Variants in IKZF2 observed in about 807,000 individuals in gnomAD.
The protein encoded by IKZF2 is IKAROS family zinc finger 2.
A neutral mutation model predicts 49.2 loss-of-function variants in IKZF2; 15 were observed. The observed-to-expected ratio is 0.30, with a 90% confidence interval of 0.20 to 0.47. The LOEUF is 0.47. Ranked by LOEUF, IKZF2 falls within the 20% of genes least tolerant of loss-of-function variation. The probability of loss-of-function intolerance (pLI) is 1.00; values close to 1 mark genes in which losing one functional copy is unlikely to be tolerated. For missense variants in IKZF2, 567 were observed against 664.6 expected (o/e 0.85, Z 1.61); for synonymous variants, 227 against 221.4 (o/e 1.03, Z -0.23).
rs1426342875 is a variant in IKZF2 at position 213,065,378 on chromosome 2, G to T, written c.140-8279C>A. Among the ~76,000 whole-genome samples the T allele has an allele frequency of 2.0e-5, 3 of 151,972 alleles. No individual in the cohort carries two copies. The East Asian group carries it at 5.8e-4, about 29-fold the overall frequency. ...GGAAATACTGCCTTTATTCATAGTT[G>T]TAAAATCATTCTATCCTTACACATA... On this transcript the variant is annotated intron_variant, in intron 4 of 8. Transcript: ENST00000434687.
rs141129820 is a variant in IKZF2, at chr2:213,041,971, C to T, written c.574+7742G>A. Among the ~76,000 whole-genome samples, 767 of 152,228 alleles carry T rather than the reference C, an allele frequency of 5.0e-3. 7 individuals are homozygous for T. Among genetic ancestry groups the T allele is most frequent in the Non-Finnish European group, 6.8e-3 (463 of 68,006 alleles). On this transcript the variant is annotated intron_variant, in intron 6 of 8. Transcript: ENST00000434687. The stretch of plus-strand genomic sequence containing the variant: ...AGGTGTGGTAGTAGTGACTGATTAG[C>T]AAAATCCAGGGAGAAAAGATAACAC...
At chr2:213,016,207 G>T (rs1696573297) in intron 7 of IKZF2, among the ~76,000 whole-genome samples, 2 of 152,028 alleles carry the variant, frequency 1.3e-5, no homozygotes, top group African/African-American at 4.8e-5. Flanking sequence ...AATTCATCCA[G>T]AAACTCCATG....
chr2:213,037,591 G>T (rs986454596), intron 6 of IKZF2, among the ~76,000 whole-genome samples: 1 of 152,172 alleles, frequency 6.6e-6, no homozygotes, highest in Non-Finnish European at 1.5e-5. Flanking sequence ...GACCTCAAGT[G>T]TGTGTTTTAA....
At chr2:213,147,644 A>T (rs1204181417) in intron 4 of IKZF2, 64 bp downstream of exon 4, 1 of 1,221,558 alleles carries the variant, frequency 8.2e-7, no homozygotes, top group East Asian at 2.3e-5. Flanking sequence ...CAGACCTAAC[A>T]AATTAAAGTC....
intron 4 of IKZF2, among the ~76,000 whole-genome samples, chr2:213,099,117 G>A (rs986937348): frequency 1.3e-5 from 2 of 152,140 alleles, no homozygotes; most frequent in African/African-American, 4.8e-5. Context: ...CAGAAGGGAA[G>A]CATCTAGTAA....
intron 6 of IKZF2, among the ~76,000 whole-genome samples, chr2:213,022,356 T>A (rs896829442): frequency 6.6e-6 from 1 of 152,174 alleles, no homozygotes; most frequent in Non-Finnish European, 1.5e-5. Context: ...AAATACTGAA[T>A]CAAATTCTTG....
chr2:213,010,755 T>A (rs1695858845), intron 8 of IKZF2, among the ~76,000 whole-genome samples: 1 of 152,106 alleles, frequency 6.6e-6, no homozygotes, highest in Non-Finnish European at 1.5e-5. Context: ...AGTGGGTGGT[T>A]CTGCTCGTGC....
chr2:213,071,058 A>G (rs182779598), intron 4 of IKZF2, among the ~76,000 whole-genome samples: 2 of 152,290 alleles, frequency 1.3e-5, no homozygotes, highest in Non-Finnish European at 2.9e-5. Context: ...TTTATACAAA[A>G]GGAAGCTGAG....
chr2:213,049,930 G>C, intron 5 of IKZF2, 50 bp from the exon 6 acceptor site: 1 of 1,314,876 alleles, frequency 7.6e-7, no homozygotes. Flanking sequence ...ATGTGCAAGT[G>C]ACTAATTTGC....
Position 213,069,321 on chromosome 2 carries a change from A to G in IKZF2, c.140-12222T>C, listed in dbSNP as rs76355976. Reference sequence around the variant, plus strand: ...TGTAAGGTATTAGTTTTAGAAGCCTAAAGTCTTTGTTTTCTCAAAGGCTAT... The same window carrying G: ...TGTAAGGTATTAGTTTTAGAAGCCTGAAGTCTTTGTTTTCTCAAAGGCTAT... On this transcript the variant is annotated intron_variant, in intron 4 of 8. Transcript: ENST00000434687. Among the ~76,000 whole-genome samples the G allele has an allele frequency of 7.3e-3, 1,110 of 152,276 alleles. 36 individuals carry two copies. The East Asian group carries it at 0.094, about 13-fold the overall frequency.
chr2:213,049,939 G>A, intron 5 of IKZF2, 59 bp from the exon 6 acceptor site: 1 of 1,252,998 alleles, frequency 8.0e-7, no homozygotes, highest in Non-Finnish European at 1.1e-6. Flanking sequence ...TGACTAATTT[G>A]CCATCCACTG....
intron 4 of IKZF2, among the ~76,000 whole-genome samples, chr2:213,076,337 CA>C (rs1703258546): frequency 6.6e-6 from 1 of 151,842 alleles, no homozygotes; most frequent in Non-Finnish European, 1.5e-5. Flanking sequence ...ATAATAAACA[CA>C]AAATTCCTAA....
chr2:213,074,999 T>C (rs1406666197), intron 4 of IKZF2, among the ~76,000 whole-genome samples: 1 of 152,182 alleles, frequency 6.6e-6, no homozygotes, highest in Non-Finnish European at 1.5e-5. Context: ...TGTACTTTTC[T>C]AGAAGACAAT....
intron 6 of IKZF2, among the ~76,000 whole-genome samples, chr2:213,047,876 C>T (rs1700305698): frequency 1.3e-5 from 2 of 151,538 alleles, no homozygotes; most frequent in South Asian, 2.1e-4. Context: ...ATTTTAGTCA[C>T]CTATCAGATA....
chr2:213,022,698 C>G (rs1218459674), intron 6 of IKZF2, among the ~76,000 whole-genome samples: 1 of 152,148 alleles, frequency 6.6e-6, no homozygotes, highest in Non-Finnish European at 1.5e-5. Flanking sequence ...CAACTATTCA[C>G]ACATGCAAAA....
intron 7 of IKZF2, among the ~76,000 whole-genome samples, chr2:213,017,758 G>C (rs1696774163): frequency 6.6e-6 from 1 of 152,176 alleles, no homozygotes; most frequent in Admixed American, 6.5e-5. Flanking sequence ...ATGTTCTGCT[G>C]ATTTAGGTAT....
intron 4 of IKZF2, among the ~76,000 whole-genome samples, chr2:213,095,985 A>G (rs1233560276): frequency 6.6e-6 from 1 of 151,990 alleles, no homozygotes; most frequent in Non-Finnish European, 1.5e-5. Context: ...TAAGTAACCC[A>G]TCTCTGGGTT....
At chr2:213,103,147 A>C (rs1379051532) in intron 4 of IKZF2, among the ~76,000 whole-genome samples, 1 of 152,190 alleles carries the variant, frequency 6.6e-6, no homozygotes, top group East Asian at 1.9e-4. Flanking sequence ...TGTACAGGTA[A>C]GTCAACTGAG....
chr2:213,073,625 A>G (rs1702942535), intron 4 of IKZF2, among the ~76,000 whole-genome samples: 1 of 152,240 alleles, frequency 6.6e-6, no homozygotes, highest in Non-Finnish European at 1.5e-5. Flanking sequence ...TAAAGCATAT[A>G]TTAAACAAAT....
Sources: allele counts gnomAD v4.1 joint callset (sites outside exome capture counted in the v4.1 genomes callset), GRCh38; gene constraint gnomAD v4.1.1; transcripts MANE v1.5; gene names NCBI Gene and HGNC (gene_info 2026-07-23, HGNC 2026-07-21).